The following ATP6V0A1 variants were observed in gnomAD, a reference collection of about 807,000 sequenced individuals.
ATP6V0A1 encodes V-type proton ATPase 116 kDa subunit a 1.
In ATP6V0A1, 43 loss-of-function variants were observed where a neutral mutation model predicts 105.4. That is an observed-to-expected ratio of 0.41 (90% CI 0.32 to 0.53). The LOEUF (loss-of-function observed/expected upper bound fraction) is 0.53, where lower values mean the gene tolerates loss of function less well. ATP6V0A1 is among the 20% of genes least tolerant of loss of function. ATP6V0A1 has a pLI of 0.30. For synonymous variants in ATP6V0A1, 362 were observed against 372.8 expected (o/e 0.97, Z 0.33); for missense variants, 676 against 1,051.1 (o/e 0.64, Z 4.93).
At position 42,517,028 on chromosome 17, in the gene ATP6V0A1, C is replaced by T. The variant is rs374087882; in HGVS notation, c.2420+2568C>T. 7.9e-5 allele frequency among the ~76,000 whole-genome samples: 12 copies of T among 152,258 alleles called. No individual in the cohort carries two copies. The East Asian group carries it at 2.3e-3, about 29-fold the overall frequency. On this transcript the variant is annotated intron_variant, in intron 21 of 21. Coordinates refer to ENST00000343619, the MANE Select transcript of ATP6V0A1 (RefSeq NM_001130021.3). Reference sequence around the variant, plus strand: ...GGTGCGATGGCTCACACCTATAATCCCAGCATTCTGGGAGGCTGAGGCAGG... The same window carrying T: ...GGTGCGATGGCTCACACCTATAATCTCAGCATTCTGGGAGGCTGAGGCAGG...
At chr17:42,465,462 G>A (rs892351383) in intron 2 of ATP6V0A1, among the ~76,000 whole-genome samples, 1 of 151,200 alleles carries the variant, frequency 6.6e-6, no homozygotes, top group East Asian at 2.0e-4. Context: ...GGCTAATTTT[G>A]TATTTTTAGT....
At chr17:42,511,917 C>T (rs572968515) in intron 19 of ATP6V0A1, among the ~76,000 whole-genome samples, 2 of 152,100 alleles carry the variant, frequency 1.3e-5, no homozygotes, top group East Asian at 1.9e-4. Context: ...GAGCTGAGAT[C>T]GCACCACTGC....
chr17:42,461,927 C>T (rs1269050584), intron 2 of ATP6V0A1, among the ~76,000 whole-genome samples: 1 of 151,622 alleles, frequency 6.6e-6, no homozygotes, highest in Non-Finnish European at 1.5e-5. Flanking sequence ...GAGATAGGGG[C>T]CAGGTGCAAT....
At chr17:42,504,448 T>C (rs955507728) in intron 17 of ATP6V0A1, among the ~76,000 whole-genome samples, 4 of 152,170 alleles carry the variant, frequency 2.6e-5, no homozygotes, top group Non-Finnish European at 5.9e-5. Flanking sequence ...CCTTCTACTT[T>C]GGGAGCCTTG....
At chr17:42,500,585 T>C in intron 15 of ATP6V0A1, 122 bp from the exon 16 acceptor site, 1 of 758,176 alleles carries the variant, frequency 1.3e-6, no homozygotes, top group South Asian at 1.7e-5. Context: ...TTGCTGCTGC[T>C]TAAAGTGATA....
intron 21 of ATP6V0A1, among the ~76,000 whole-genome samples, chr17:42,515,907 T>C (rs1222234257): frequency 6.6e-6 from 1 of 152,246 alleles, no homozygotes; most frequent in Non-Finnish European, 1.5e-5. Flanking sequence ...CTGTATTTTC[T>C]GTGGCTGTTC....
intron 12 of ATP6V0A1, 60 bp from the exon 13 acceptor site, chr17:42,494,974 A>T: frequency 6.5e-7 from 1 of 1,542,440 alleles, no homozygotes; most frequent in Non-Finnish European, 8.9e-7. Context: ...TCTGAATAAC[A>T]TTGTCACAAT....
At chr17:42,467,154 A>T (rs1316253675) in intron 3 of ATP6V0A1, among the ~76,000 whole-genome samples, 1 of 152,220 alleles carries the variant, frequency 6.6e-6, no homozygotes, top group Non-Finnish European at 1.5e-5. Flanking sequence ...CTCAAAAAAA[A>T]AAAAAGGGAG....
chr17:42,507,368 G>T, intron 17 of ATP6V0A1, 152 bp from the exon 18 acceptor site: 2 of 590,638 alleles, frequency 3.4e-6, no homozygotes, highest in South Asian at 4.0e-5. Flanking sequence ...ACAGTTGTTT[G>T]ATTTTACTTA....
chr17:42,492,439 G>A (rs1364041394), intron 11 of ATP6V0A1, among the ~76,000 whole-genome samples: 1 of 150,852 alleles, frequency 6.6e-6, no homozygotes, highest in Non-Finnish European at 1.5e-5. Context: ...AGGTGTGGTG[G>A]CTCACGCCTG....
At chr17:42,509,229 C>A (rs1276753092) in intron 19 of ATP6V0A1, among the ~76,000 whole-genome samples, 1 of 152,118 alleles carries the variant, frequency 6.6e-6, no homozygotes, top group Admixed American at 6.6e-5. Flanking sequence ...ATATCAGCCA[C>A]ATAGAGAATA....
chr17:42,469,741 C>T (rs554095393), intron 4 of ATP6V0A1, among the ~76,000 whole-genome samples: 1 of 152,224 alleles, frequency 6.6e-6, no homozygotes, highest in East Asian at 1.9e-4. Context: ...CTCCCGGGTT[C>T]AAGTGATTCT....
intron 5 of ATP6V0A1, among the ~76,000 whole-genome samples, chr17:42,473,669 A>G (rs906218597): frequency 6.6e-6 from 1 of 152,160 alleles, no homozygotes; most frequent in Non-Finnish European, 1.5e-5. Context: ...GCTATCTCAT[A>G]TGAAAATGTC....
chr17:42,488,784 C>T (rs956997989), intron 10 of ATP6V0A1, among the ~76,000 whole-genome samples: 1 of 2,942 alleles, frequency 3.4e-4, no homozygotes, highest in Non-Finnish European at 8.4e-4. Context: ...GAGGTTGAGG[C>T]GGGTCATCAC....
chr17:42,503,279 G>T (rs561770448), intron 17 of ATP6V0A1, among the ~76,000 whole-genome samples: 3 of 152,294 alleles, frequency 2.0e-5, no homozygotes, highest in African/African-American at 4.8e-5. Flanking sequence ...CTGCACTTTA[G>T]AGTTCTACTT....
chr17:42,490,200 A>T (rs1159167878), intron 10 of ATP6V0A1, among the ~76,000 whole-genome samples: 1 of 152,240 alleles, frequency 6.6e-6, no homozygotes, highest in African/African-American at 2.4e-5. Flanking sequence ...CTTTGGTGAC[A>T]TATTTTAAAG....
intron 11 of ATP6V0A1, among the ~76,000 whole-genome samples, chr17:42,493,913 C>A (rs1172423184): frequency 6.6e-6 from 1 of 152,136 alleles, no homozygotes; most frequent in African/African-American, 2.4e-5. Context: ...TCCTATCTGT[C>A]TGGCAGCTGG....
At chr17:42,488,062 A>G (rs941207613) in intron 10 of ATP6V0A1, among the ~76,000 whole-genome samples, 6 of 152,232 alleles carry the variant, frequency 3.9e-5, no homozygotes, top group African/African-American at 1.2e-4. Flanking sequence ...CTCTGTCCAC[A>G]GAAGTGCTGT....
At chr17:42,489,388 G>T (rs1396512570) in intron 10 of ATP6V0A1, among the ~76,000 whole-genome samples, 1 of 152,100 alleles carries the variant, frequency 6.6e-6, no homozygotes, top group Non-Finnish European at 1.5e-5. Flanking sequence ...GCTCAAAGCA[G>T]TTTTAAAAGA....
Sources: allele counts gnomAD v4.1 joint callset (sites outside exome capture counted in the v4.1 genomes callset), GRCh38; gene constraint gnomAD v4.1.1; transcripts MANE v1.5; gene names NCBI Gene and HGNC (gene_info 2026-07-23, HGNC 2026-07-21).